Variants in NPAS3 observed in about 807,000 individuals in gnomAD.
NPAS3 encodes the protein neuronal PAS domain protein 3.
In NPAS3, 14 loss-of-function variants were observed where a neutral mutation model predicts 73.1. That is an observed-to-expected ratio of 0.19 (90% confidence interval 0.13 to 0.30). The LOEUF (loss-of-function observed/expected upper bound fraction) is 0.30, where lower values mean the gene tolerates loss of function less well. Among genes scored for constraint, NPAS3 ranks in the 10% least tolerant of loss-of-function variants. The pLI, the probability that NPAS3 is intolerant of heterozygous loss-of-function variation, is 1.00. For synonymous variants in NPAS3, 620 were observed against 541.5 expected, an observed-to-expected ratio of 1.14 and a Z score of -2.01; for missense variants, 1,096 against 1,250.0, an observed-to-expected ratio of 0.88 and a Z score of 1.86.
chr14:33,038,996 G>C (rs887097040), intron 1 of NPAS3, among the ~76,000 whole-genome samples: 1 of 152,160 alleles, frequency 6.6e-6, no homozygotes, highest in East Asian at 1.9e-4. Context: ...AAGACTATGT[G>C]CAGTGTGGGA....
chr14:33,411,838 G>T (rs2047940936), intron 4 of NPAS3, among the ~76,000 whole-genome samples: 1 of 150,488 alleles, frequency 6.6e-6, no homozygotes, highest in Non-Finnish European at 1.5e-5. Context: ...GCTCAGTTTA[G>T]ATGTCATCTA....
chr14:33,314,148 G>A (rs578191227), intron 3 of NPAS3, among the ~76,000 whole-genome samples: 1 of 151,994 alleles, frequency 6.6e-6, no homozygotes, highest in East Asian at 1.9e-4. Flanking sequence ...AGTGATAATA[G>A]GTAGAATTTT....
At chr14:33,220,495 G>A (rs569022734) in intron 3 of NPAS3, among the ~76,000 whole-genome samples, 36 of 152,230 alleles carry the variant, frequency 2.4e-4, no homozygotes, top group Admixed American at 8.5e-4. Flanking sequence ...CTTCATTTAA[G>A]GAGCTCATTT....
rs73267077 is a variant in NPAS3, at chr14:33,526,880, T to C, written c.469-33241T>C. On this transcript the variant is annotated intron_variant, in intron 4 of 11. Coordinates refer to ENST00000356141, the Ensembl canonical transcript of NPAS3. ...TCACTGTGTTAATGAAGTTACTTCATTGACATAACCTAATATTCATTCATT... is the reference window on the plus strand; with the variant it reads ...TCACTGTGTTAATGAAGTTACTTCACTGACATAACCTAATATTCATTCATT... 7.4e-3 allele frequency among the ~76,000 whole-genome samples: 1,128 copies of C among 152,208 alleles called. 15 individuals are homozygous for C. The highest frequency in any genetic ancestry group is 0.025 in the African/African-American group (1,036 of 41,554).
At chr14:33,563,400 C>T (rs2055748733) in intron 5 of NPAS3, among the ~76,000 whole-genome samples, 1 of 151,956 alleles carries the variant, frequency 6.6e-6, no homozygotes, top group Non-Finnish European at 1.5e-5. Flanking sequence ...AGGGCATGTG[C>T]ATGCCAGGTA....
chr14:33,741,421 T>G (rs1394471136), intron 7 of NPAS3, among the ~76,000 whole-genome samples: 1 of 152,120 alleles, frequency 6.6e-6, no homozygotes, highest in Non-Finnish European at 1.5e-5. Flanking sequence ...GAGAAAAAAT[T>G]TCCAGGGTGG....
intron 6 of NPAS3, among the ~76,000 whole-genome samples, chr14:33,676,654 G>A (rs2059776587): frequency 6.6e-6 from 1 of 152,126 alleles, no homozygotes; most frequent in Non-Finnish European, 1.5e-5. Flanking sequence ...TTACTAGAGG[G>A]AACAGCTTCC....
intron 4 of NPAS3, among the ~76,000 whole-genome samples, chr14:33,452,751 G>A (rs1315716577): frequency 4.9e-5 from 6 of 123,384 alleles, no homozygotes; most frequent in African/African-American, 1.6e-4. Context: ...CTCCAGCCTG[G>A]GCGACAGAGT....
chr14:33,577,289 T>C (rs1234943664), intron 5 of NPAS3, among the ~76,000 whole-genome samples: 1 of 152,122 alleles, frequency 6.6e-6, no homozygotes, highest in Admixed American at 6.5e-5. Context: ...TACTCATACC[T>C]CTTCAGATTA....
chr14:33,194,968 A>T (rs921751362), intron 2 of NPAS3, among the ~76,000 whole-genome samples: 1 of 152,170 alleles, frequency 6.6e-6, no homozygotes, highest in African/African-American at 2.4e-5. Context: ...TATAAATATG[A>T]CTTACCTTAG....
chr14:33,683,427 CAAAAAAAAAAAAA>C (rs1176606241), intron 6 of NPAS3, among the ~76,000 whole-genome samples: 6 of 77,524 alleles, frequency 7.7e-5, no homozygotes, highest in African/African-American at 2.5e-4. Flanking sequence ...TTCCTCATTT[CAAAAAAAAAAAAA>C]AAAAAAAAAA....
chr14:33,694,877 C>T (rs2060331544), intron 6 of NPAS3, among the ~76,000 whole-genome samples: 1 of 152,146 alleles, frequency 6.6e-6, no homozygotes, highest in African/African-American at 2.4e-5. Flanking sequence ...TCATTTAATT[C>T]TCTGTGTCTG....
intron 2 of NPAS3, among the ~76,000 whole-genome samples, chr14:33,092,977 A>C (rs551791204): frequency 2.0e-5 from 3 of 152,270 alleles, no homozygotes; most frequent in Admixed American, 6.5e-5. Context: ...TTCAAGATGG[A>C]TCAAAGACTT....
At chr14:33,351,650 A>G (rs558610203) in intron 3 of NPAS3, among the ~76,000 whole-genome samples, 2 of 152,370 alleles carry the variant, frequency 1.3e-5, no homozygotes, top group Admixed American at 1.3e-4. Flanking sequence ...TACTCTCACA[A>G]AAGATCATTA....
chr14:33,528,146 C>T (rs2053884110), intron 4 of NPAS3, among the ~76,000 whole-genome samples: 1 of 151,910 alleles, frequency 6.6e-6, no homozygotes, highest in Non-Finnish European at 1.5e-5. Context: ...AAGAGATTAT[C>T]CTGATTATCT....
upstream of NPAS3, among the ~76,000 whole-genome samples, chr14:32,938,551 C>G (rs1400435599): frequency 1.0e-4 from 11 of 105,446 alleles, no homozygotes; most frequent in African/African-American, 3.8e-4. Context: ...TGTCTGCGTA[C>G]GAGAGAGCGC....
intron 1 of NPAS3, among the ~76,000 whole-genome samples, chr14:33,037,022 G>A (rs1257530861): frequency 1.3e-5 from 2 of 152,076 alleles, no homozygotes; most frequent in East Asian, 3.9e-4. Context: ...TTTTTGTTTG[G>A]AAATTGAACC....
At chr14:33,733,615 T>G (rs1371362645) in intron 6 of NPAS3, among the ~76,000 whole-genome samples, 3 of 152,214 alleles carry the variant, frequency 2.0e-5, no homozygotes, top group Non-Finnish European at 2.9e-5. Context: ...TAAAAAGCTG[T>G]TGGCGTATTA....
At chr14:33,715,475 TC>T (rs1263563175) in intron 6 of NPAS3, among the ~76,000 whole-genome samples, 1 of 152,128 alleles carries the variant, frequency 6.6e-6, no homozygotes, top group Non-Finnish European at 1.5e-5. Context: ...AGAGTTGTAC[TC>T]CCAACTCTGT....
Sources: gnomAD v4.1 joint callset for allele counts (sites outside exome capture counted in the v4.1 genomes callset) on GRCh38, gnomAD v4.1.1 for gene constraint, MANE v1.5 for transcripts, NCBI Gene and HGNC (gene_info 2026-07-23, HGNC 2026-07-21) for gene names.